The following PDE4D variants were observed in gnomAD, a reference collection of about 807,000 sequenced individuals.
The protein encoded by PDE4D is phosphodiesterase 4D.
In PDE4D, 24 loss-of-function variants were observed where a neutral mutation model predicts 87.4. The observed-to-expected ratio is 0.27, with a 90% CI of 0.20 to 0.39. The LOEUF (loss-of-function observed/expected upper bound fraction) is 0.39. PDE4D is among the 10% of genes least tolerant of loss of function. The probability of loss-of-function intolerance (pLI) is 1.00; values close to 1 mark genes in which losing one functional copy is unlikely to be tolerated. For missense variants in PDE4D, 714 were observed against 1,041.0 expected, an observed-to-expected ratio of 0.69 and a Z score of 4.32; for synonymous variants, 384 against 383.2, an observed-to-expected ratio of 1.00 and a Z score of -0.02.
chr5:60,289,376 T>C (rs1752694735), intron 1 of PDE4D, among the ~76,000 whole-genome samples: 8 of 152,174 alleles, frequency 5.3e-5, no homozygotes, highest in Admixed American at 5.2e-4. Flanking sequence ...TGGTAAAAAG[T>C]TCTGGAGTAA....
At chr5:60,102,786 A>C (rs1287476731) in intron 2 of PDE4D, among the ~76,000 whole-genome samples, 3 of 152,152 alleles carry the variant, frequency 2.0e-5, no homozygotes, top group South Asian at 2.1e-4. Context: ...TTTAATAATC[A>C]ATTTGCTTGG....
chr5:59,102,376 G>A (rs915274903), intron 5 of PDE4D, among the ~76,000 whole-genome samples: 1 of 152,164 alleles, frequency 6.6e-6, no homozygotes, highest in Non-Finnish European at 1.5e-5. Context: ...ATGAGCCATC[G>A]CGCCTGGCCC....
intron 1 of PDE4D, among the ~76,000 whole-genome samples, chr5:60,200,094 T>A (rs1741736694): frequency 1.3e-5 from 2 of 151,644 alleles, no homozygotes; most frequent in Admixed American, 1.3e-4. Flanking sequence ...ACAATCATAA[T>A]TTTATATTAT....
At chr5:60,195,333 C>T (rs930631330) in intron 1 of PDE4D, among the ~76,000 whole-genome samples, 6 of 151,680 alleles carry the variant, frequency 4.0e-5, no homozygotes, top group Non-Finnish European at 7.4e-5. Flanking sequence ...GCCCTGGACT[C>T]TAAGTCCCTT....
At chr5:59,506,926 G>A (rs569975904) in intron 1 of PDE4D, among the ~76,000 whole-genome samples, 1 of 152,176 alleles carries the variant, frequency 6.6e-6, no homozygotes, top group South Asian at 2.1e-4. Flanking sequence ...TTCCACTTCT[G>A]GCTATATACC....
intron 1 of PDE4D, among the ~76,000 whole-genome samples, chr5:59,451,628 T>A (rs1799169467): frequency 6.6e-6 from 1 of 152,012 alleles, no homozygotes; most frequent in Non-Finnish European, 1.5e-5. Flanking sequence ...TTTCACAGAG[T>A]CTCTCAATTA....
At chr5:59,004,740 A>G (rs1751250372) in intron 6 of PDE4D, among the ~76,000 whole-genome samples, 1 of 152,222 alleles carries the variant, frequency 6.6e-6, no homozygotes, top group Admixed American at 6.5e-5. Context: ...ACTTTTTGGA[A>G]GTTGTGTGGG....
At chr5:60,027,407 T>G (rs1766756156) in intron 2 of PDE4D, among the ~76,000 whole-genome samples, 1 of 152,230 alleles carries the variant, frequency 6.6e-6, no homozygotes, top group Non-Finnish European at 1.5e-5. Flanking sequence ...CATGACTTTG[T>G]TCTTTTTTAT....
chr5:59,915,581 T>C (rs1188344759), intron 3 of PDE4D, among the ~76,000 whole-genome samples: 1 of 152,232 alleles, frequency 6.6e-6, no homozygotes, highest in East Asian at 1.9e-4. Context: ...CATTCATTTG[T>C]ATCCTTTCTA....
chr5:60,003,137 A>G (rs1042637824), intron 2 of PDE4D, among the ~76,000 whole-genome samples: 3 of 152,206 alleles, frequency 2.0e-5, no homozygotes, highest in East Asian at 1.9e-4. Context: ...TAAATTAAGA[A>G]AAACAATCCC....
chr5:59,615,095 G>A (rs977306122), intron 1 of PDE4D, among the ~76,000 whole-genome samples: 2 of 152,114 alleles, frequency 1.3e-5, no homozygotes, highest in African/African-American at 4.8e-5. Flanking sequence ...CTCCCAAACT[G>A]CTGGGATTAC....
chr5:59,050,428 A>G (rs1761365240), intron 5 of PDE4D, among the ~76,000 whole-genome samples: 1 of 152,216 alleles, frequency 6.6e-6, no homozygotes, highest in Non-Finnish European at 1.5e-5. Context: ...GTGATAAACT[A>G]TTTTGGCCTA....
At chr5:59,763,091 T>C (rs1762369139) in intron 1 of PDE4D, among the ~76,000 whole-genome samples, 1 of 151,318 alleles carries the variant, frequency 6.6e-6, no homozygotes, top group Non-Finnish European at 1.5e-5. Context: ...GCTTTAGACA[T>C]TATCTGTAAC....
At chr5:59,404,767 T>C (rs1237185167) in intron 1 of PDE4D, among the ~76,000 whole-genome samples, 1 of 152,240 alleles carries the variant, frequency 6.6e-6, no homozygotes, top group East Asian at 1.9e-4. Context: ...TTTAAGTCTT[T>C]ATTCCATTTT....
intron 1 of PDE4D, among the ~76,000 whole-genome samples, chr5:59,593,693 G>C (rs1826235931): frequency 6.6e-6 from 1 of 152,160 alleles, no homozygotes; most frequent in Non-Finnish European, 1.5e-5. Flanking sequence ...ACATACCGGA[G>C]CAGAAACCTC....
At chr5:59,048,617 A>G (rs1055099166) in intron 5 of PDE4D, among the ~76,000 whole-genome samples, 1 of 152,180 alleles carries the variant, frequency 6.6e-6, no homozygotes, top group Non-Finnish European at 1.5e-5. Flanking sequence ...ATCCAATACC[A>G]TGATCCTGGA....
chr5:59,886,137 A>G (rs955601538), intron 1 of PDE4D, among the ~76,000 whole-genome samples: 73 of 152,384 alleles, frequency 4.8e-4, no homozygotes, highest in African/African-American at 1.6e-3. Context: ...ATATAAAACC[A>G]TTCACTGTGC....
chr5:59,623,962 G>C (rs576937612), intron 1 of PDE4D, among the ~76,000 whole-genome samples: 1 of 152,206 alleles, frequency 6.6e-6, no homozygotes, highest in African/African-American at 2.4e-5. Context: ...CAGTTTATAT[G>C]CATCATATCA....
At chr5:60,070,490 A>G (rs562645869) in intron 2 of PDE4D, among the ~76,000 whole-genome samples, 1 of 152,094 alleles carries the variant, frequency 6.6e-6, no homozygotes, top group South Asian at 2.1e-4. Context: ...TTAATGTGGA[A>G]TTTCACGTTA....
Sources: gnomAD v4.1 joint callset for allele counts (sites outside exome capture counted in the v4.1 genomes callset) on GRCh38, gnomAD v4.1.1 for gene constraint, MANE v1.5 for transcripts, NCBI Gene and HGNC (gene_info 2026-07-23, HGNC 2026-07-21) for gene names.